Variants in PZP observed in about 807,000 individuals in gnomAD.
PZP encodes the protein PZP alpha-2-macroglobulin like, also known as pregnancy zone protein.
Under a neutral mutation model 179.8 loss-of-function variants are expected in PZP, and 150 were observed. The observed-to-expected ratio is 0.83, with a 90% CI of 0.73 to 0.96. The LOEUF is 0.96. Ranked by LOEUF, PZP falls within the 40% of genes least tolerant of loss-of-function variation. The pLI, the probability that PZP is intolerant of heterozygous loss-of-function variation, is 0.00. For synonymous variants in PZP, 624 were observed against 652.3 expected (o/e 0.96, Z 0.66); for missense variants, 1,689 against 1,764.0 (o/e 0.96, Z 0.76).
chr12:9,139,903 G>A, the PZP span, among the ~76,000 whole-genome samples: 13 of 152,194 alleles, frequency 8.5e-5, no homozygotes, highest in African/African-American at 2.9e-4. Flanking sequence ...AAGGGTTTTA[G>A]GGTAAGAGAG....
intron 2 of PZP, 59 bp from the exon 3 acceptor site, chr12:9,202,743 C>A: frequency 6.7e-7 from 1 of 1,494,606 alleles, no homozygotes; most frequent in South Asian, 1.2e-5. Context: ...CCTCTGCATT[C>A]TTCAGTCATT....
chr12:9,206,145 G>C (rs980234906), intron 1 of PZP, among the ~76,000 whole-genome samples: 3 of 151,984 alleles, frequency 2.0e-5, no homozygotes, highest in Admixed American at 6.6e-5. Flanking sequence ...CTGATCTCCT[G>C]ATCACTGCTC....
chr12:9,194,517 T>G (rs1468428527), intron 10 of PZP, among the ~76,000 whole-genome samples: 4 of 138,694 alleles, frequency 2.9e-5, no homozygotes, highest in Admixed American at 8.1e-5. Flanking sequence ...CAGGCTGGAG[T>G]GCAGTGGCGC....
intron 2 of PZP, among the ~76,000 whole-genome samples, 181 bp downstream of exon 2, chr12:9,203,587 C>T (rs1944296993): frequency 6.6e-6 from 1 of 152,032 alleles, no homozygotes; most frequent in Non-Finnish European, 1.5e-5. Flanking sequence ...GTGATCTGCC[C>T]GCCTTGGCTT....
At chr12:9,167,077 C>T (rs142965964) in intron 17 of PZP, 2 of 152,286 alleles carry the variant, frequency 1.3e-5, no homozygotes, top group East Asian at 3.9e-4. Context: ...TACACCTTGC[C>T]CCATGTCCTT....
rs758926987 is a variant in PZP at position 9,165,359 on chromosome 12, C to G, written c.2267G>C (p.Gly756Ala). ...GACTGTTACTCCTACCTCAGCCACA[C>G]CTGATGAGCTGGGGAGGAGGGCAAG... is the stretch of plus-strand genomic sequence containing the variant. Reference protein sequence around the residue: ...IWELVAVNSSGVAEVGVTVPD... With the variant: ...IWELVAVNSSAVAEVGVTVPD... The change falls in exon 19 of 36, where the codon GGT (glycine) becomes GCT (alanine). Residue 756 changes from glycine (G) to alanine (A), a missense_variant. Around this residue, in one of 3 missense-constraint regions of PZP, gnomAD observed 201 missense variants for 284.2 expected, o/e 0.71. Transcript: ENST00000261336. 1 of 1,613,828 alleles carries G rather than the reference C, an allele frequency of 6.2e-7. No homozygotes were observed. Among genetic ancestry groups the G allele is most frequent in the African/African-American group, 1.3e-5 (1 of 74,886 alleles).
intron 13 of PZP, among the ~76,000 whole-genome samples, chr12:9,186,059 AC>A (rs1285416988): frequency 6.6e-6 from 1 of 151,660 alleles, no homozygotes; most frequent in African/African-American, 2.4e-5. Context: ...GACCACCTTG[AC>A]CCCCCAAAGT....
At chr12:9,147,721 A>T (rs904971652), downstream of PZP, among the ~76,000 whole-genome samples, 10 of 152,126 alleles carry the variant, frequency 6.6e-5, no homozygotes, top group Non-Finnish European at 1.3e-4. Context: ...TTACTGTGTT[A>T]TGGCTCCACT....
At chr12:9,138,730 G>A in the PZP span, among the ~76,000 whole-genome samples, 6 of 151,896 alleles carry the variant, frequency 4.0e-5, no homozygotes, top group Non-Finnish European at 8.8e-5. Context: ...CATGTTTTGT[G>A]TATTTGGGAA....
rs904113095 is a variant in PZP at position 9,200,526 on chromosome 12, AT to A, written c.671-79del. 10 of 1,169,386 alleles carry A rather than the reference AT, an allele frequency of 8.6e-6. No homozygotes were observed. In the African/African-American group the frequency reaches 1.4e-4, roughly 16 times the overall value. The allele number at this position is 1,169,386 out of a possible 1,614,324, so 72.4% of individuals were successfully genotyped here. ...TACAAATAATTTCAGTATGTCTATAATTTTTCCCAAAATAACACTCTGAATG... is the reference window on the plus strand; with the variant it reads ...TACAAATAATTTCAGTATGTCTATAATTTTCCCAAAATAACACTCTGAATG... On this transcript the variant is annotated intron_variant, in intron 6 of 35. Coordinates refer to ENST00000261336, the MANE Select transcript of PZP (RefSeq NM_002864.3).
intron 13 of PZP, among the ~76,000 whole-genome samples, chr12:9,183,018 T>C (rs903271362): frequency 2.6e-5 from 4 of 152,168 alleles, no homozygotes; most frequent in Admixed American, 1.3e-4. Flanking sequence ...AGACAATACA[T>C]AGGATAACAG....
intron 32 of PZP, among the ~76,000 whole-genome samples, chr12:9,151,912 C>G (rs551505273): frequency 6.6e-6 from 1 of 152,112 alleles, no homozygotes; most frequent in Admixed American, 6.5e-5. Context: ...TAGTGCATAT[C>G]AGTCAGTTTG....
intron 20 of PZP, 35 bp downstream of exon 20, chr12:9,164,098 T>C: frequency 1.3e-6 from 2 of 1,586,516 alleles, no homozygotes; most frequent in Non-Finnish European, 1.7e-6. Flanking sequence ...ACCGTCCTTG[T>C]TGATTGATAG....
In PZP at chr12:9,170,406, G is replaced by A. The variant is rs999508662; in HGVS notation, c.1840-815C>T. On this transcript the variant is annotated intron_variant, in intron 15 of 35. Transcript: ENST00000261336. This position sits in a 1 kb window ranked among gnomAD's most constrained non-coding sequence, Gnocchi z 4.6. ...GAAACCCTGGAGTTTTACATAATCC[G>A]GCCCTGGGATCCCTGGAAAGGCAGG... is the stretch of plus-strand genomic sequence containing the variant. Among the ~76,000 whole-genome samples, 2 of 152,136 alleles carry A rather than the reference G, an allele frequency of 1.3e-5. No individual in the cohort carries two copies. The highest frequency in any genetic ancestry group is 6.5e-5 in the Admixed American group (1 of 15,276).
Position 9,180,986 on chromosome 12 carries a change from G to A in PZP, c.1836C>T (p.Ser612=). ...LMKPEAELSV[S]SVYNLLTVKD... ...CCCAAGGCCACTGGAAACTCACTGA[G>A]GACACAGAGAGCTCAGCCTCAGGCT... is the stretch of plus-strand genomic sequence containing the variant. The change falls in exon 15 of 36, where the codon TCC becomes TCT. Residue 612 remains serine (S), a synonymous_variant. Transcript: ENST00000261336. 1 of 1,613,140 alleles carries A rather than the reference G, an allele frequency of 6.2e-7. No individual in the cohort carries two copies. Among genetic ancestry groups the A allele is most frequent in the African/African-American group, 1.3e-5 (1 of 75,006 alleles).
intron 17 of PZP, among the ~76,000 whole-genome samples, chr12:9,168,034 T>A (rs986393042): frequency 6.6e-6 from 1 of 152,200 alleles, no homozygotes; most frequent in African/African-American, 2.4e-5. Flanking sequence ...ATAATAAAGC[T>A]CATTTAAAGA....
intron 10 of PZP, among the ~76,000 whole-genome samples, chr12:9,194,494 T>C (rs1376116953): frequency 7.4e-6 from 1 of 136,022 alleles, no homozygotes; most frequent in Admixed American, 8.4e-5. Flanking sequence ...AGACGGAGTC[T>C]CGCTCTGTCG....
rs1266032168 is a variant in PZP, at chr12:9,170,054, G to A, written c.1840-463C>T. ...CTGCGGTCTGCAGCACTTACGGAGT[G>A]GAATGAAAAAGCTTATTAAATGCAG... On this transcript the variant is annotated intron_variant, in intron 15 of 35. Transcript: ENST00000261336. The surrounding 1 kb of genome is among the most constrained non-coding windows in gnomAD (Gnocchi z 4.6). 2 of 152,336 alleles carry A rather than the reference G, an allele frequency of 1.3e-5. No homozygotes were observed. Among genetic ancestry groups the A allele is most frequent in the Admixed American group, 6.5e-5 (1 of 15,286 alleles). 9.4% of individuals were successfully genotyped at this position (152,336 alleles called of 1,614,324 possible).
intron 29 of PZP, among the ~76,000 whole-genome samples, chr12:9,154,359 G>A (rs772069591): frequency 2.6e-5 from 4 of 152,296 alleles, no homozygotes; most frequent in East Asian, 1.9e-4. Flanking sequence ...TGTGTCCAAT[G>A]ACCATAGCGT....
Sources: gnomAD v4.1 joint callset for allele counts (sites outside exome capture counted in the v4.1 genomes callset) on GRCh38, gnomAD v4.1.1 for gene constraint, gnomAD v4.1.1 regional missense constraint, Gnocchi (gnomAD v3.1) non-coding constraint, MANE v1.5 for transcripts, NCBI Gene and HGNC (gene_info 2026-07-23, HGNC 2026-07-21) for gene names.